The following MLLT3 variants were observed in gnomAD, a reference collection of about 807,000 sequenced individuals.
The protein encoded by MLLT3 is protein AF-9.
Under a neutral mutation model 53.2 loss-of-function variants are expected in MLLT3, and 4 were observed. The ratio of observed to expected loss-of-function variants is 0.08; its 90% CI spans 0.04 to 0.17. The LOEUF is 0.17. MLLT3 is among the 10% of genes least tolerant of loss of function. The pLI, the probability that MLLT3 is intolerant of heterozygous loss-of-function variation, is 1.00. For missense variants in MLLT3, 569 were observed against 684.0 expected (o/e 0.83, Z 1.87); for synonymous variants, 283 against 230.6 (o/e 1.23, Z -2.06).
chr9:20,479,650 G>A lies in MLLT3; in HGVS notation c.194-22864C>T, dbSNP rs201585674. On this transcript the variant is annotated intron_variant, in intron 2 of 10. Transcript: ENST00000380338. ...TGAGTCAAAAATTTCCCATGACTCC[G>A]TTTCCTTAATCAGACATGAGTGATA... 1.6e-4 allele frequency among the ~76,000 whole-genome samples: 25 copies of A among 152,200 alleles called. No individual in the cohort carries two copies. The East Asian group carries it at 4.1e-3, about 25-fold the overall frequency.
chr9:20,346,080 G>C lies in MLLT3; in HGVS notation c.*363C>G, dbSNP rs989479409. ...AAGGCAGTGTGTTGAATATGCATTC[G>C]TCCTGTGGAATGAACCACCACAGAG... On this transcript the variant is annotated 3_prime_UTR_variant, in exon 11 of 11. Transcript: ENST00000380338. 7.7e-6 allele frequency: 2 copies of C among 258,122 alleles called. No individual in the cohort carries two copies. Among genetic ancestry groups the C allele is most frequent in the African/African-American group, 2.2e-5 (1 of 45,474 alleles). The allele number at this position is 258,122 out of a possible 1,614,324, so 16.0% of individuals were successfully genotyped here.
chr9:20,543,486 T>TG (rs1426308919), intron 2 of MLLT3, among the ~76,000 whole-genome samples: 1 of 152,040 alleles, frequency 6.6e-6, no homozygotes. Context: ...ATAAGAATAA[T>TG]GAAAAACTGG....
intron 2 of MLLT3, among the ~76,000 whole-genome samples, chr9:20,494,512 AG>A (rs1825028580): frequency 6.6e-6 from 1 of 152,176 alleles, no homozygotes; most frequent in South Asian, 2.1e-4. Context: ...CTAACCTCAA[AG>A]TCATACTGCA....
chr9:20,422,863 G>A (rs895906917), intron 4 of MLLT3, among the ~76,000 whole-genome samples: 2 of 152,152 alleles, frequency 1.3e-5, no homozygotes, highest in Non-Finnish European at 2.9e-5. Context: ...GGTGACAGTG[G>A]TGGCAGCGGT....
At chr9:20,481,718 C>G (rs1036644218) in intron 2 of MLLT3, among the ~76,000 whole-genome samples, 4 of 152,174 alleles carry the variant, frequency 2.6e-5, no homozygotes, top group African/African-American at 9.7e-5. Flanking sequence ...AGTTAAAACT[C>G]CCTTCCACTT....
At chr9:20,496,193 C>A (rs1378893800) in intron 2 of MLLT3, among the ~76,000 whole-genome samples, 4 of 152,138 alleles carry the variant, frequency 2.6e-5, no homozygotes, top group African/African-American at 9.7e-5. Context: ...CTAAACAGAG[C>A]CCTAAAGTAA....
In MLLT3 at chr9:20,413,852, G is replaced by A; in HGVS notation, c.994C>T (p.His332Tyr). 2 of 1,614,032 alleles carry A rather than the reference G, an allele frequency of 1.2e-6. No individual in the cohort carries two copies. The highest frequency in any genetic ancestry group is 1.7e-6 in the Non-Finnish European group (2 of 1,179,996). ...ATTTTGACCTTTCCCATCTTGACAT[G>A]AGATTTATCTTTTATCTGTTTTTTG... ...ADKKQIKDKS[H>Y]VKMGKVKIES... is the part of the protein sequence containing the mutation. Residue 332 changes from histidine to tyrosine, a missense_variant, in exon 5 of 11, where the codon CAT (histidine) becomes TAT (tyrosine). By Grantham distance (83) the His-to-Tyr change is moderately conservative. Transcript: ENST00000380338.
At chr9:20,516,035 C>G (rs1036574693) in intron 2 of MLLT3, among the ~76,000 whole-genome samples, 6 of 152,114 alleles carry the variant, frequency 3.9e-5, no homozygotes, top group African/African-American at 1.4e-4. Context: ...AAATAAAACA[C>G]AGAAGCAAAG....
At chr9:20,511,260 A>T (rs1217730224) in intron 2 of MLLT3, among the ~76,000 whole-genome samples, 1 of 148,806 alleles carries the variant, frequency 6.7e-6, no homozygotes, top group Non-Finnish European at 1.5e-5. Flanking sequence ...TTTGTAATTT[A>T]AAAAAAACTT....
intron 2 of MLLT3, among the ~76,000 whole-genome samples, chr9:20,518,758 A>C (rs1263434149): frequency 6.6e-6 from 1 of 152,206 alleles, no homozygotes; most frequent in Non-Finnish European, 1.5e-5. Context: ...CCACAGTCTA[A>C]TCACGAGAAA....
chr9:20,536,549 G>T (rs1415674724), intron 2 of MLLT3, among the ~76,000 whole-genome samples: 1 of 152,110 alleles, frequency 6.6e-6, no homozygotes, highest in Non-Finnish European at 1.5e-5. Context: ...TGTTCTCTCG[G>T]AATCAGTCTA....
chr9:20,541,078 C>G (rs1818617657), intron 2 of MLLT3, among the ~76,000 whole-genome samples: 1 of 152,286 alleles, frequency 6.6e-6, no homozygotes, highest in East Asian at 1.9e-4. Flanking sequence ...ATGCCACCAG[C>G]CTTTTTGCTA....
chr9:20,615,812 A>G (rs1820818629), intron 2 of MLLT3, among the ~76,000 whole-genome samples: 1 of 151,716 alleles, frequency 6.6e-6, no homozygotes. Context: ...TGATAACACA[A>G]TAGACTGAAA....
chr9:20,465,544 T>C (rs1028307804), intron 2 of MLLT3, among the ~76,000 whole-genome samples: 3 of 152,130 alleles, frequency 2.0e-5, no homozygotes, highest in Non-Finnish European at 4.4e-5. Context: ...TAATCAAATA[T>C]AATAAATCAA....
In MLLT3 at chr9:20,346,124, A is replaced by G. The variant is rs1324440722; in HGVS notation, c.*319T>C. 3.1e-6 allele frequency: 1 copy of G among 319,788 alleles called. No individual in the cohort carries two copies. The highest frequency in any genetic ancestry group is 4.6e-5 in the Admixed American group (1 of 21,834). 19.8% of individuals were successfully genotyped at this position (319,788 alleles called of 1,614,324 possible). Reference sequence around the variant, plus strand: ...CACAGAGAGATACATGATACCATACACATTCTTTGAGTTTTCTTGTGTTGT... The same window carrying G: ...CACAGAGAGATACATGATACCATACGCATTCTTTGAGTTTTCTTGTGTTGT... On this transcript the variant is annotated 3_prime_UTR_variant, in exon 11 of 11. Transcript: ENST00000380338.
Position 20,611,385 on chromosome 9 carries a change from T to G in MLLT3, c.193+9269A>C, listed in dbSNP as rs1820698710. Among the ~76,000 whole-genome samples, 4 of 152,120 alleles carry G rather than the reference T, an allele frequency of 2.6e-5. No homozygotes were observed. The South Asian group carries it at 8.3e-4, about 31-fold the overall frequency. On this transcript the variant is annotated intron_variant, in intron 2 of 10. Transcript: ENST00000380338. The stretch of plus-strand genomic sequence containing the variant: ...TATTATTATTAATACTTCAGGAAAC[T>G]GTTAATATATATTTTGCTTTTAAAA...
chr9:20,605,530 CTAAGT>C (rs1820541497), intron 2 of MLLT3, among the ~76,000 whole-genome samples: 1 of 152,014 alleles, frequency 6.6e-6, no homozygotes, highest in South Asian at 2.1e-4. Flanking sequence ...TAATTTCAAA[CTAAGT>C]TATGTGGGAA....
chr9:20,600,536 C>G (rs772282459), intron 2 of MLLT3, among the ~76,000 whole-genome samples: 2 of 152,188 alleles, frequency 1.3e-5, no homozygotes, highest in Non-Finnish European at 2.9e-5. Flanking sequence ...TCAGGAATAA[C>G]AGCAATCCAA....
intron 7 of MLLT3, among the ~76,000 whole-genome samples, chr9:20,362,347 C>A (rs1821345198): frequency 6.6e-6 from 1 of 152,158 alleles, no homozygotes; most frequent in East Asian, 1.9e-4. Flanking sequence ...ATACGTTTTT[C>A]ATCAACTAAA....
Sources: allele counts gnomAD v4.1 joint callset (sites outside exome capture counted in the v4.1 genomes callset), GRCh38; gene constraint gnomAD v4.1.1; transcripts MANE v1.5; gene names NCBI Gene and HGNC (gene_info 2026-07-23, HGNC 2026-07-21).